Variants in USP9Y observed in about 807,000 individuals in gnomAD.
The protein encoded by USP9Y is ubiquitin carboxyl-terminal hydrolase 9Y.
In USP9Y, 41 loss-of-function variants were observed where a neutral mutation model predicts 53.1. That is an observed-to-expected ratio of 0.77 (90% CI 0.60 to 1.00). The LOEUF (loss-of-function observed/expected upper bound fraction) is 1.00. Among genes scored for constraint, USP9Y ranks in the 50% least tolerant of loss-of-function variants. USP9Y has a pLI of 0.00. For synonymous variants in USP9Y, 220 were observed against 173.7 expected, an observed-to-expected ratio of 1.27 and a Z score of -2.09; for missense variants, 567 against 535.8, an observed-to-expected ratio of 1.06 and a Z score of -0.58.
chrY:12,738,784 T>C, intron 11 of USP9Y, among the ~76,000 whole-genome samples: 1 of 33,330 alleles, frequency 3.0e-5, no homozygotes, highest in East Asian at 7.9e-4. Context: ...TCGTGATCCA[T>C]CCTCCTTAGC....
At chrY:12,784,362 G>A in intron 22 of USP9Y, among the ~76,000 whole-genome samples, 3 of 33,155 alleles carry the variant, frequency 9.0e-5, no homozygotes, top group Admixed American at 2.7e-4. Context: ...CAAGCTAATG[G>A]TTTCTTTCTT....
At chrY:12,778,528 C>A in intron 20 of USP9Y, 78 bp from the exon 21 acceptor site, 1 of 334,852 alleles carries the variant, frequency 3.0e-6, no homozygotes, top group Non-Finnish European at 4.4e-6. Flanking sequence ...GTATTTTAAC[C>A]TTTCAATGTA....
chrY:12,829,198 A>G, intron 33 of USP9Y, among the ~76,000 whole-genome samples: 1 of 34,096 alleles, frequency 2.9e-5, no homozygotes, highest in African/African-American at 1.1e-4. Flanking sequence ...GAAATGATCC[A>G]AATTGGAGAA....
At chrY:12,731,863 A>C (rs2053447337) in intron 7 of USP9Y, among the ~76,000 whole-genome samples, 1 of 33,272 alleles carries the variant, frequency 3.0e-5, no homozygotes, top group African/African-American at 1.2e-4. Context: ...CTTCCTAATG[A>C]GCACTCAGCT....
intron 7 of USP9Y, among the ~76,000 whole-genome samples, chrY:12,728,036 A>G (rs2053444271): frequency 3.0e-5 from 1 of 33,088 alleles, no homozygotes. Flanking sequence ...TGTTAATGTC[A>G]ATTATTTCTG....
chrY:12,740,091 GT>G (rs2053456221), intron 12 of USP9Y, among the ~76,000 whole-genome samples: 3 of 33,422 alleles, frequency 9.0e-5, no homozygotes, highest in African/African-American at 3.5e-4. Context: ...GGTTTTTAAG[GT>G]TGATGAATTT....
intron 33 of USP9Y, among the ~76,000 whole-genome samples, chrY:12,828,926 T>C: frequency 3.1e-5 from 1 of 32,685 alleles, no homozygotes; most frequent in Non-Finnish European, 7.5e-5. Context: ...AGCTTCTGAA[T>C]GCTGAACACT....
chrY:12,823,570 C>T (rs912503582), intron 33 of USP9Y, among the ~76,000 whole-genome samples: 6 of 32,690 alleles, frequency 1.8e-4, no homozygotes, highest in Admixed American at 8.6e-4. Flanking sequence ...TAAGATTAAA[C>T]GAGGGTGAGG....
At chrY:12,775,680 T>C in intron 18 of USP9Y, 114 bp downstream of exon 18, 1 of 172,246 alleles carries the variant, frequency 5.8e-6, no homozygotes. Context: ...TCAAAAATAT[T>C]TTTTCAGTGT....
rs149106583 is a variant in USP9Y at position 12,786,501 on chromosome Y, CTT to C, written c.3283-6_3283-5del. 4 of 257,230 alleles carry C rather than the reference CTT, an allele frequency of 1.6e-5. No individual in the cohort carries two copies. In the African/African-American group the frequency reaches 5.2e-4, roughly 33 times the overall value. The allele number at this position is 257,230 out of a possible 400,897, so 64.2% of individuals were successfully genotyped here. A position where few individuals can be genotyped will look rare whatever the true frequency, so the allele number is the denominator to read the frequency against. ...TTTAAATCCCTTTTAATATACTCTC[CTT>C]TTTTTTTTTTTTTTCCAGGTAGTTT... On this transcript the variant is annotated intron_variant, in intron 23 of 45. Coordinates refer to ENST00000338981, the MANE Select transcript of USP9Y (RefSeq NM_004654.4).
intron 12 of USP9Y, among the ~76,000 whole-genome samples, chrY:12,742,066 T>C (rs2053457188): frequency 2.9e-5 from 1 of 33,954 alleles, no homozygotes; most frequent in Non-Finnish European, 7.3e-5. Flanking sequence ...TTTAAAGTGC[T>C]GTACAGTTAC....
chrY:12,761,646 T>A, intron 15 of USP9Y, among the ~76,000 whole-genome samples: 1 of 33,431 alleles, frequency 3.0e-5, no homozygotes, highest in African/African-American at 1.2e-4. Flanking sequence ...CAGGCCCAAT[T>A]TTTATGATTA....
chrY:12,786,761 T>C lies in USP9Y; in HGVS notation c.3522T>C (p.Ala1174=). 5 of 399,049 alleles carry C rather than the reference T, an allele frequency of 1.3e-5. No individual in the cohort carries two copies. Among genetic ancestry groups the C allele is most frequent in the Non-Finnish European group, 1.8e-5 (5 of 283,587 alleles). Residue 1174 remains alanine, a synonymous_variant, in exon 24 of 46, where the codon GCT becomes GCC. Coordinates refer to ENST00000338981, the MANE Select transcript of USP9Y (RefSeq NM_004654.4). ...GYGHVRAVAE[A]CQPVVDGTDP... is the part of the protein sequence containing the mutation. ...GCCATGTTCGAGCTGTAGCAGAAGC[T>C]TGTCAGCCAGTTGTAGATGGTACAG...
intron 21 of USP9Y, among the ~76,000 whole-genome samples, chrY:12,779,246 A>G (rs2053496439): frequency 3.0e-5 from 1 of 33,023 alleles, no homozygotes; most frequent in Non-Finnish European, 7.5e-5. Context: ...TCTGAGTACT[A>G]TGTGAAACTA....
chrY:12,716,100 G>T (rs2053430317), intron 3 of USP9Y, among the ~76,000 whole-genome samples: 1 of 33,742 alleles, frequency 3.0e-5, no homozygotes, highest in South Asian at 6.5e-4. Flanking sequence ...GCATTGTCAG[G>T]TGATTTCACT....
intron 12 of USP9Y, among the ~76,000 whole-genome samples, chrY:12,756,347 T>G (rs2053468390): frequency 3.0e-5 from 1 of 32,978 alleles, no homozygotes; most frequent in Non-Finnish European, 7.4e-5. Context: ...TCAATTTGCA[T>G]GTTTCCTGAT....
intron 1 of USP9Y, among the ~76,000 whole-genome samples, chrY:12,703,670 A>G: frequency 3.0e-5 from 1 of 33,655 alleles, no homozygotes; most frequent in Non-Finnish European, 7.4e-5. Context: ...AAGCTTCCAC[A>G]GCATGAAAAG....
At chrY:12,777,969 T>C in intron 19 of USP9Y, 50 bp from the exon 20 acceptor site, 1 of 309,780 alleles carries the variant, frequency 3.2e-6, no homozygotes, top group Non-Finnish European at 4.7e-6. Context: ...AATATCATTG[T>C]GGTTTTTTCT....
At chrY:12,832,820 T>C (rs773221947) in intron 33 of USP9Y, among the ~76,000 whole-genome samples, 44 of 33,302 alleles carry the variant, frequency 1.3e-3, no homozygotes, top group African/African-American at 5.0e-3. Flanking sequence ...AGGAAGGTAC[T>C]TAAGAGATTG....
Sources: allele counts gnomAD v4.1 joint callset (sites outside exome capture counted in the v4.1 genomes callset), GRCh38; gene constraint gnomAD v4.1.1; transcripts MANE v1.5; gene names NCBI Gene and HGNC (gene_info 2026-07-23, HGNC 2026-07-21).